AFF2: variants seen among roughly 807,000 people sequenced by gnomAD.
AFF2 encodes the protein AF4/FMR2 family member 2.
A neutral mutation model predicts 76.9 loss-of-function variants in AFF2; 14 were observed. The observed-to-expected ratio is 0.18, with a 90% CI of 0.12 to 0.28. The LOEUF (loss-of-function observed/expected upper bound fraction) is 0.28. Among genes scored for constraint, AFF2 ranks in the 10% least tolerant of loss-of-function variants. AFF2 has a pLI of 1.00. For missense variants in AFF2, 868 were observed against 1,001.1 expected, an observed-to-expected ratio of 0.87 and a Z score of 1.79; for synonymous variants, 398 against 366.7, an observed-to-expected ratio of 1.09 and a Z score of -0.98.
chrX:148,692,957 C>T (rs781869978), intron 3 of AFF2, among the ~76,000 whole-genome samples: 5 of 110,940 alleles, frequency 4.5e-5, no homozygotes, highest in Admixed American at 9.5e-5. Flanking sequence ...CTCGCTCTGT[C>T]GCCCAGGCTG....
At chrX:148,724,946 G>A (rs1196116535) in intron 3 of AFF2, among the ~76,000 whole-genome samples, 1 of 111,446 alleles carries the variant, frequency 9.0e-6, no homozygotes, top group Non-Finnish European at 1.9e-5. Flanking sequence ...TGAATATTAT[G>A]GTTCTGGTCC....
chrX:148,670,685 A>G (rs914468033), intron 3 of AFF2, among the ~76,000 whole-genome samples: 2 of 111,531 alleles, frequency 1.8e-5, no homozygotes, highest in Non-Finnish European at 3.8e-5. Flanking sequence ...TGCCATCATC[A>G]ATTCAAGCAG....
chrX:148,933,599 G>A (rs1557284647), intron 9 of AFF2, among the ~76,000 whole-genome samples: 1 of 110,994 alleles, frequency 9.0e-6, no homozygotes, highest in Non-Finnish European at 1.9e-5. Context: ...ATTTTGAAAG[G>A]AGAACAGATA....
chrX:148,604,118 TTTTA>T (rs2053652197), intron 1 of AFF2, among the ~76,000 whole-genome samples: 1 of 111,956 alleles, frequency 8.9e-6, no homozygotes, highest in African/African-American at 3.2e-5. Flanking sequence ...TTTTAAATCT[TTTTA>T]TGTGTTGGAT....
intron 15 of AFF2, 53 bp from the exon 16 acceptor site, chrX:148,973,418 T>G (rs981523397): frequency 8.4e-7 from 1 of 1,192,770 alleles, no homozygotes; most frequent in African/African-American, 1.8e-5. Context: ...CACTCTTTTA[T>G]ATGAAGGAGA....
chrX:148,917,431 A>G (rs1053827229), intron 9 of AFF2, among the ~76,000 whole-genome samples: 10 of 112,706 alleles, frequency 8.9e-5, no homozygotes, highest in Admixed American at 4.7e-4. Flanking sequence ...AGTTGAAAAC[A>G]CATGCAATTT....
intron 1 of AFF2, among the ~76,000 whole-genome samples, chrX:148,534,960 A>G (rs1003477752): frequency 1.8e-4 from 20 of 111,815 alleles, no homozygotes; most frequent in African/African-American, 6.2e-4. Flanking sequence ...GTATAAGGAA[A>G]TGATAAAAGG....
intron 1 of AFF2, among the ~76,000 whole-genome samples, chrX:148,584,789 T>C (rs782386702): frequency 9.0e-6 from 1 of 110,575 alleles, no homozygotes; most frequent in African/African-American, 3.3e-5. Flanking sequence ...TCCGCCCGCC[T>C]CGGCCTCCCA....
At chrX:148,826,832 T>G (rs1298759830) in intron 4 of AFF2, among the ~76,000 whole-genome samples, 1 of 111,521 alleles carries the variant, frequency 9.0e-6, no homozygotes, top group Non-Finnish European at 1.9e-5. Context: ...CTTGGAATAC[T>G]TGGAGGGGGC....
At chrX:148,667,798 G>A (rs2078853) in intron 3 of AFF2, among the ~76,000 whole-genome samples, 1 of 111,587 alleles carries the variant, frequency 9.0e-6, no homozygotes, top group African/African-American at 3.3e-5. Context: ...TTCAAGATAA[G>A]ATTTGGGTGG....
chrX:148,733,497 G>T (rs1300800962), intron 3 of AFF2, among the ~76,000 whole-genome samples: 3 of 111,258 alleles, frequency 2.7e-5, no homozygotes, highest in African/African-American at 9.8e-5. Context: ...TGCTCTGGAA[G>T]TTGGAACTCC....
chrX:148,668,073 G>T (rs2054378213), intron 3 of AFF2, among the ~76,000 whole-genome samples: 1 of 113,037 alleles, frequency 8.8e-6, no homozygotes, highest in Non-Finnish European at 1.9e-5. Flanking sequence ...CCAAATGGGA[G>T]AAATTGGCCA....
chrX:148,871,313 C>G (rs782780038), intron 7 of AFF2, among the ~76,000 whole-genome samples: 2 of 111,100 alleles, frequency 1.8e-5, no homozygotes, highest in South Asian at 3.9e-4. Context: ...TACCTAACCC[C>G]TCGTGTCATG....
chrX:148,864,845 C>G (rs1396066019), intron 7 of AFF2, among the ~76,000 whole-genome samples: 1 of 111,958 alleles, frequency 8.9e-6, no homozygotes, highest in Admixed American at 9.5e-5. Context: ...TCTCTCTCAT[C>G]TGATGATGAG....
At chrX:148,872,101 C>CTT (rs1179785367) in intron 7 of AFF2, among the ~76,000 whole-genome samples, 1 of 107,063 alleles carries the variant, frequency 9.3e-6, no homozygotes, top group African/African-American at 3.4e-5. Flanking sequence ...AGCTGTGAGA[C>CTT]TTTTTTTTTT....
intron 1 of AFF2, among the ~76,000 whole-genome samples, chrX:148,580,755 ATGTG>A (rs1391885102): frequency 9.2e-6 from 1 of 108,847 alleles, no homozygotes; most frequent in Non-Finnish European, 1.9e-5. Context: ...GTATATATAT[ATGTG>A]TGTGTATTTT....
At position 148,581,375 on chromosome X, in the gene AFF2, CACACATAT is replaced by C. The variant is rs2053393427; in HGVS notation, c.48-70619_48-70612del. 9.5e-5 allele frequency among the ~76,000 whole-genome samples: 9 copies of C among 94,724 alleles called. 2 individuals carry two copies. The highest frequency in any genetic ancestry group is 3.4e-4 in the Admixed American group (3 of 8,733). The allele number at this position is 94,724 out of a possible 115,157, so 82.3% of individuals were successfully genotyped here. ...ACACACATATATACGTATACGTGTA[CACACATAT>C]ACACGTATATACGTATACGTGTACA... On this transcript the variant is annotated intron_variant, in intron 1 of 20. Coordinates refer to ENST00000370460, the MANE Select transcript of AFF2 (RefSeq NM_002025.4).
At chrX:148,825,767 A>T (rs1240363018) in intron 4 of AFF2, among the ~76,000 whole-genome samples, 2 of 96,967 alleles carry the variant, frequency 2.1e-5, no homozygotes, top group African/African-American at 3.9e-5. Context: ...TTTTTAAATC[A>T]TTTTGCACAT....
chrX:148,893,211 T>C (rs1443984173), intron 8 of AFF2, among the ~76,000 whole-genome samples: 1 of 112,127 alleles, frequency 8.9e-6, no homozygotes, highest in African/African-American at 3.2e-5. Context: ...ATAAGGTTAA[T>C]AGAATAACAT....
Sources: allele counts gnomAD v4.1 joint callset (sites outside exome capture counted in the v4.1 genomes callset), GRCh38; gene constraint gnomAD v4.1.1; transcripts MANE v1.5; gene names NCBI Gene and HGNC (gene_info 2026-07-23, HGNC 2026-07-21).